Variants in DNER observed in about 807,000 individuals in gnomAD.
DNER encodes the protein delta/notch like EGF repeat containing, also known as delta and Notch-like epidermal growth factor-related receptor.
In DNER, 33 loss-of-function variants were observed where a neutral mutation model predicts 78.2. That is an observed-to-expected ratio of 0.42 (90% CI 0.32 to 0.56). DNER has a LOEUF of 0.56. Ranked by LOEUF, DNER falls within the 20% of genes least tolerant of loss-of-function variation. DNER has a pLI of 0.11. For missense variants in DNER, 918 were observed against 975.3 expected (o/e 0.94, Z 0.78); for synonymous variants, 417 against 384.8 (o/e 1.08, Z -0.98).
At chr2:229,483,735 C>T (rs1695214811) in intron 6 of DNER, among the ~76,000 whole-genome samples, 1 of 152,230 alleles carries the variant, frequency 6.6e-6, no homozygotes, top group South Asian at 2.1e-4. Context: ...TTTCCTCTGA[C>T]TCTGCAGCCT....
chr2:229,522,195 A>G (rs961490233), intron 5 of DNER, among the ~76,000 whole-genome samples: 1 of 152,216 alleles, frequency 6.6e-6, no homozygotes, highest in Non-Finnish European at 1.5e-5. Flanking sequence ...AGTTTACTTT[A>G]CTACCCAGGG....
intron 12 of DNER, among the ~76,000 whole-genome samples, chr2:229,366,135 T>A (rs1178623275): frequency 6.6e-6 from 1 of 152,206 alleles, no homozygotes; most frequent in Non-Finnish European, 1.5e-5. Context: ...TTTACTTATG[T>A]AACCAACCTG....
At chr2:229,445,300 G>T (rs559159398) in intron 8 of DNER, among the ~76,000 whole-genome samples, 1 of 152,180 alleles carries the variant, frequency 6.6e-6, no homozygotes, top group Admixed American at 6.5e-5. Context: ...ACCCTCTGAG[G>T]GGCAGCTATT....
At position 229,646,777 on chromosome 2, in the gene DNER, G is replaced by A. The variant is rs930564190; in HGVS notation, c.277-54889C>T. On this transcript the variant is annotated intron_variant, in intron 1 of 12. Coordinates refer to ENST00000341772, the MANE Select transcript of DNER (RefSeq NM_139072.4). ...CAGGGTCCACGGTGAACCAGACAAGGTCCCTGCCTCATGGAACTTACATGC... is the reference window on the plus strand; with the variant it reads ...CAGGGTCCACGGTGAACCAGACAAGATCCCTGCCTCATGGAACTTACATGC... 3.3e-5 allele frequency among the ~76,000 whole-genome samples: 5 copies of A among 152,358 alleles called. No homozygotes were observed. The South Asian group carries it at 8.3e-4, about 25-fold the overall frequency.
chr2:229,470,156 C>A (rs756251989), intron 7 of DNER, among the ~76,000 whole-genome samples: 1 of 152,196 alleles, frequency 6.6e-6, no homozygotes, highest in Non-Finnish European at 1.5e-5. Context: ...AAATAATTGT[C>A]ACGTGCAGAT....
At position 229,645,241 on chromosome 2, in the gene DNER, A is replaced by G. The variant is rs558542949; in HGVS notation, c.277-53353T>C. ...AGGCTAGTCTCAAACTCCTAGCCTC[A>G]AAGGATCCTCCTGCTTCAGCCTTCC... On this transcript the variant is annotated intron_variant, in intron 1 of 12. Coordinates refer to ENST00000341772, the MANE Select transcript of DNER (RefSeq NM_139072.4). 5.6e-4 allele frequency among the ~76,000 whole-genome samples: 85 copies of G among 152,308 alleles called. 1 individual carries two copies. The highest frequency in any genetic ancestry group is 1.2e-4 in the Non-Finnish European group (8 of 68,028).
rs185120712 is a variant in DNER, at chr2:229,376,834, A to T, written c.1856-9715T>A. On this transcript the variant is annotated intron_variant, in intron 11 of 12. Coordinates refer to ENST00000341772, the MANE Select transcript of DNER (RefSeq NM_139072.4). Reference sequence around the variant, plus strand: ...GGGGATCTGGATAAGGAGAGATATTAATTAATTTTATTTTTTAAACATCTT... The same window carrying T: ...GGGGATCTGGATAAGGAGAGATATTTATTAATTTTATTTTTTAAACATCTT... 8.5e-3 allele frequency among the ~76,000 whole-genome samples: 1,296 copies of T among 152,306 alleles called. 6 individuals carry two copies. The highest frequency in any genetic ancestry group is 0.012 in the Non-Finnish European group (850 of 68,024).
intron 7 of DNER, among the ~76,000 whole-genome samples, chr2:229,469,561 G>A (rs987153793): frequency 6.6e-6 from 1 of 152,170 alleles, no homozygotes; most frequent in Non-Finnish European, 1.5e-5. Flanking sequence ...GTTCAAGGTC[G>A]CCAGGGAGTA....
At chr2:229,461,316 A>G (rs1694695460) in intron 7 of DNER, among the ~76,000 whole-genome samples, 1 of 152,090 alleles carries the variant, frequency 6.6e-6, no homozygotes, top group Non-Finnish European at 1.5e-5. Flanking sequence ...AAATTATTTG[A>G]GCTAGCCTTT....
intron 6 of DNER, among the ~76,000 whole-genome samples, chr2:229,500,393 T>G (rs1266908737): frequency 2.0e-5 from 3 of 152,158 alleles, no homozygotes; most frequent in Non-Finnish European, 4.4e-5. Context: ...AGATAATATG[T>G]GTTGGTGAGG....
intron 4 of DNER, among the ~76,000 whole-genome samples, chr2:229,568,667 CATCCCT>C (rs1176798720): frequency 6.6e-6 from 1 of 152,176 alleles, no homozygotes; most frequent in African/African-American, 2.4e-5. Context: ...TTCTTTTACG[CATCCCT>C]ACTGACCTAC....
At chr2:229,532,770 A>G (rs774964351) in intron 5 of DNER, among the ~76,000 whole-genome samples, 2 of 152,256 alleles carry the variant, frequency 1.3e-5, no homozygotes, top group African/African-American at 2.4e-5. Context: ...GAAGATTTCT[A>G]TAATTTTAAT....
intron 1 of DNER, among the ~76,000 whole-genome samples, chr2:229,628,216 G>C (rs1221273825): frequency 2.6e-5 from 4 of 152,190 alleles, no homozygotes; most frequent in African/African-American, 7.2e-5. Context: ...GTGAGCGGCA[G>C]AGGAGGGGAA....
intron 4 of DNER, among the ~76,000 whole-genome samples, chr2:229,552,233 A>G (rs1021930425): frequency 1.8e-4 from 27 of 152,224 alleles, no homozygotes; most frequent in Non-Finnish European, 3.7e-4. Context: ...CCTCGCAGCC[A>G]TGATTCAGGG....
intron 11 of DNER, 28 bp from the exon 12 acceptor site, chr2:229,367,147 G>A: frequency 6.2e-7 from 1 of 1,613,044 alleles, no homozygotes; most frequent in Non-Finnish European, 8.5e-7. Flanking sequence ...CAAATGGCTG[G>A]GTATGAGTTG....
At chr2:229,567,897 T>G (rs1697142421) in intron 4 of DNER, among the ~76,000 whole-genome samples, 2 of 152,344 alleles carry the variant, frequency 1.3e-5, no homozygotes, top group South Asian at 2.1e-4. Flanking sequence ...TACCGCTATC[T>G]GATCATCAAT....
chr2:229,493,217 G>A (rs1695439639), intron 6 of DNER, among the ~76,000 whole-genome samples: 1 of 152,138 alleles, frequency 6.6e-6, no homozygotes, highest in Non-Finnish European at 1.5e-5. Flanking sequence ...TTAAAAATAG[G>A]CTGAAATCAC....
At chr2:229,689,184 T>C (rs964985809) in intron 1 of DNER, among the ~76,000 whole-genome samples, 3 of 152,196 alleles carry the variant, frequency 2.0e-5, no homozygotes, top group Non-Finnish European at 2.9e-5. Context: ...AGTTTATGCC[T>C]ATACGTTTAG....
At chr2:229,421,017 G>C (rs984271222) in intron 8 of DNER, among the ~76,000 whole-genome samples, 7 of 152,130 alleles carry the variant, frequency 4.6e-5, no homozygotes, top group Non-Finnish European at 1.0e-4. Flanking sequence ...CAAACAACTT[G>C]ATGTCCATTG....
Sources: allele counts gnomAD v4.1 joint callset (sites outside exome capture counted in the v4.1 genomes callset), GRCh38; gene constraint gnomAD v4.1.1; transcripts MANE v1.5; gene names NCBI Gene and HGNC (gene_info 2026-07-23, HGNC 2026-07-21).